The following RECK variants were observed in gnomAD, a reference collection of about 807,000 sequenced individuals.
RECK encodes reversion-inducing cysteine-rich protein with Kazal motifs.
In RECK, 69 loss-of-function variants were observed where a neutral mutation model predicts 115.1. That is an observed-to-expected ratio of 0.60 (90% CI 0.49 to 0.73). RECK has a LOEUF of 0.73. Among genes scored for constraint, RECK ranks in the 30% least tolerant of loss-of-function variants. The pLI is 0.00. For missense variants in RECK, 1,047 were observed against 1,203.7 expected (o/e 0.87, Z 1.93); for synonymous variants, 414 against 419.7 (o/e 0.99, Z 0.17).
At chr9:36,119,309 G>A (rs1263046492) in intron 18 of RECK, among the ~76,000 whole-genome samples, 2 of 152,092 alleles carry the variant, frequency 1.3e-5, no homozygotes, top group East Asian at 1.9e-4. Flanking sequence ...AACAAATAAC[G>A]AATTACTAAT....
chr9:36,049,499 CA>C lies in RECK; in HGVS notation c.101-2753del, dbSNP rs544256184. ...CATGTAAAATACACTAACACTAATG[CA>C]AAAAAAAAAAAATCTCGTAATGTTT... On this transcript the variant is annotated intron_variant, in intron 1 of 20. Coordinates refer to ENST00000377966, the MANE Select transcript of RECK (RefSeq NM_021111.3). Among the ~76,000 whole-genome samples the C allele has an allele frequency of 2.1e-3, 296 of 140,884 alleles. 1 individual carries two copies. The highest frequency in any genetic ancestry group is 4.3e-3 in the South Asian group (19 of 4,434). The allele number at this position is 140,884 out of a possible 152,430, so 92.4% of individuals were successfully genotyped here.
At chr9:36,119,028 A>G (rs1023605370) in intron 18 of RECK, 61 bp downstream of exon 18, 17 of 1,481,012 alleles carry the variant, frequency 1.1e-5, no homozygotes, top group Middle Eastern at 2.4e-4. Context: ...ATCCACCTCC[A>G]GAGAGTGAGT....
intron 10 of RECK, among the ~76,000 whole-genome samples, chr9:36,098,001 A>G (rs1823419025): frequency 2.6e-5 from 4 of 152,212 alleles, no homozygotes; most frequent in Non-Finnish European, 4.4e-5. Context: ...AGAGAATAGA[A>G]TAGTGGTTAC....
rs1821872102 is a variant in RECK, at chr9:36,063,662, G to A, written c.272-133G>A. The A allele has an allele frequency of 4.5e-6, 3 of 673,348 alleles. No homozygotes were observed. In the African/African-American group the frequency reaches 5.4e-5, roughly 12 times the overall value. The allele number at this position is 673,348 out of a possible 1,614,324, so 41.7% of individuals were successfully genotyped here. On this transcript the variant is annotated intron_variant, in intron 4 of 20. Coordinates refer to ENST00000377966, the MANE Select transcript of RECK (RefSeq NM_021111.3). ...GTAAAGGGAGGTCCTTAATAATTTT[G>A]AGGCCCTGCTGTCTGAACCAGTTTT...
chr9:36,104,517 CT>C (rs375907420), intron 12 of RECK, among the ~76,000 whole-genome samples: 19 of 132,658 alleles, frequency 1.4e-4, no homozygotes, highest in Middle Eastern at 3.8e-3. Flanking sequence ...TGAGGGGGGG[CT>C]TTTTTTTTTG....
Position 36,087,795 on chromosome 9 carries a change from A to T in RECK, c.739A>T (p.Ile247Phe). 6.2e-7 allele frequency: 1 copy of T among 1,613,816 alleles called. No homozygotes were observed. The highest frequency in any genetic ancestry group is 1.1e-5 in the South Asian group (1 of 91,080). The change falls in exon 9 of 21, where the codon ATC becomes TTC. Residue 247 changes from isoleucine to phenylalanine, a missense_variant. Coordinates refer to ENST00000377966, the MANE Select transcript of RECK (RefSeq NM_021111.3). ...GGAAATGGAGATTGTTGATGGTCTC[A>T]TCGAGGGTTGTAAGACCCAGCCCTT... ...KTEMEIVDGL[I>F]EGCKTQPLPQ...
At chr9:36,053,140 A>G (rs1006520999) in intron 2 of RECK, among the ~76,000 whole-genome samples, 1 of 152,216 alleles carries the variant, frequency 6.6e-6, no homozygotes, top group Non-Finnish European at 1.5e-5. Context: ...GGATGGGTGC[A>G]TCTTGATGAA....
chr9:36,048,126 A>AATATATATATATATATATACATAT (rs1821140886), intron 1 of RECK, among the ~76,000 whole-genome samples: 1 of 115,406 alleles, frequency 8.7e-6, no homozygotes, highest in African/African-American at 4.3e-5. Flanking sequence ...ACACAGGTTG[A>AATATATATATATATATATACATAT]ATATATATAT....
intron 6 of RECK, among the ~76,000 whole-genome samples, chr9:36,079,575 T>A (rs1472468939): frequency 6.6e-6 from 1 of 152,220 alleles, no homozygotes; most frequent in Non-Finnish European, 1.5e-5. Flanking sequence ...CACAGCTACA[T>A]AGAGGGATCT....
At chr9:36,080,997 A>G (rs1161497716) in intron 7 of RECK, among the ~76,000 whole-genome samples, 1 of 152,200 alleles carries the variant, frequency 6.6e-6, no homozygotes, top group Non-Finnish European at 1.5e-5. Context: ...TACACAAAGA[A>G]TGCTGGGATA....
chr9:36,088,336 C>CT (rs1376199858), intron 9 of RECK, among the ~76,000 whole-genome samples: 1 of 152,128 alleles, frequency 6.6e-6, no homozygotes, highest in African/African-American at 2.4e-5. Context: ...AAACTTTGAA[C>CT]TTTTTATTAT....
intron 8 of RECK, chr9:36,086,068 A>C (rs1369764649): frequency 6.6e-6 from 1 of 152,180 alleles, no homozygotes; most frequent in African/African-American, 2.4e-5. Context: ...ATATGCACAG[A>C]TTTCTTCCAA....
At chr9:36,074,409 G>T (rs1293127896) in intron 6 of RECK, among the ~76,000 whole-genome samples, 1 of 152,174 alleles carries the variant, frequency 6.6e-6, no homozygotes, top group Admixed American at 6.5e-5. Context: ...GATTTAGTCT[G>T]CAAGAAGCTC....
chr9:36,119,891 T>C (rs1824393714), intron 18 of RECK, among the ~76,000 whole-genome samples: 1 of 152,230 alleles, frequency 6.6e-6, no homozygotes, highest in Non-Finnish European at 1.5e-5. Flanking sequence ...TATATTTGAT[T>C]ATGCCATATT....
At chr9:36,066,652 T>A (rs971238914) in intron 6 of RECK, 2 of 391,956 alleles carry the variant, frequency 5.1e-6, no homozygotes, top group Middle Eastern at 3.9e-4. Flanking sequence ...AGATCTTTAT[T>A]TTCTTATCTC....
At chr9:36,072,139 T>C (rs1374146413) in intron 6 of RECK, among the ~76,000 whole-genome samples, 1 of 152,230 alleles carries the variant, frequency 6.6e-6, no homozygotes, top group South Asian at 2.1e-4. Context: ...TGTATATTTA[T>C]GTATGTCTAC....
At chr9:36,082,190 T>TCTCTCTCTCTCTCTCA (rs1441234357) in intron 7 of RECK, among the ~76,000 whole-genome samples, 1 of 65,414 alleles carries the variant, frequency 1.5e-5, no homozygotes. Context: ...CTCTCTCTCC[T>TCTCTCTCTCTCTCTCA]TTTTTCTTTT....
In RECK at chr9:36,100,478, A is replaced by G. The variant is rs1421083627; in HGVS notation, c.1233A>G (p.Lys411=). The change falls in exon 11 of 21, where the codon AAA becomes AAG. Residue 411 remains lysine (K), a synonymous_variant. Coordinates refer to ENST00000377966, the MANE Select transcript of RECK (RefSeq NM_021111.3). ...DIKKCQPEMW[K]AIACSLQIKP... is the part of the protein sequence containing the mutation. ...AAAAGTGCCAGCCAGAGATGTGGAAAGCAATAGCTTGTTCACTGCAGATTA... is the reference window on the plus strand; with the variant it reads ...AAAAGTGCCAGCCAGAGATGTGGAAGGCAATAGCTTGTTCACTGCAGATTA... The G allele has an allele frequency of 1.2e-6, 2 of 1,614,202 alleles. No individual in the cohort carries two copies. The highest frequency in any genetic ancestry group is 3.3e-5 in the Admixed American group (2 of 60,028).
intron 9 of RECK, among the ~76,000 whole-genome samples, chr9:36,089,568 C>T (rs146202866): frequency 1.0e-3 from 156 of 152,302 alleles, no homozygotes; most frequent in African/African-American, 3.5e-3. Flanking sequence ...CATGACACCA[C>T]AAGTGGAAAA....
Sources: allele counts gnomAD v4.1 joint callset (sites outside exome capture counted in the v4.1 genomes callset), GRCh38; gene constraint gnomAD v4.1.1; transcripts MANE v1.5; gene names NCBI Gene and HGNC (gene_info 2026-07-23, HGNC 2026-07-21).